Variants in AGL observed in about 807,000 individuals in gnomAD.
The protein encoded by AGL is glycogen debranching enzyme.
AGL carries 128 observed loss-of-function variants against 199.3 expected under a neutral mutation model. That is an observed-to-expected ratio of 0.64 (90% CI 0.56 to 0.74). The LOEUF is 0.74. AGL is among the 30% of genes least tolerant of loss of function. The pLI is 0.00. For synonymous variants in AGL, 584 were observed against 594.7 expected (o/e 0.98, Z 0.26); for missense variants, 1,809 against 1,820.8 (o/e 0.99, Z 0.12).
rs11368135 is a variant in AGL, at chr1:99,854,763, C to CA, written c.82+3654dup. On this transcript the variant is annotated intron_variant, in intron 2 of 33. Transcript: ENST00000361915. The stretch of plus-strand genomic sequence containing the variant: ...TGGGTGACAGAGCAAGATGCCGTCT[C>CA]AAAAAAAAAAAAAAAGATAATTTGA... Among the ~76,000 whole-genome samples the CA allele has an allele frequency of 3.4e-3, 282 of 83,988 alleles. 1 individual carries two copies. The Middle Eastern group carries it at 0.038, about 11-fold the overall frequency. 55.1% of individuals were successfully genotyped at this position (83,988 alleles called of 152,430 possible). A position where few individuals can be genotyped will look rare whatever the true frequency, so the allele number is the denominator to read the frequency against.
At chr1:99,872,534 CTT>C (rs11299217) in intron 7 of AGL, among the ~76,000 whole-genome samples, 67 of 141,288 alleles carry the variant, frequency 4.7e-4, no homozygotes, top group East Asian at 8.1e-4. Flanking sequence ...ATTTACATTT[CTT>C]TTTTTTTTTT....
rs1651444670 is a variant in AGL, at chr1:99,875,469, G to GC, written c.1283+14_1283+15insC. The GC allele has an allele frequency of 6.2e-7, 1 of 1,610,354 alleles. No individual in the cohort carries two copies. Among genetic ancestry groups the GC allele is most frequent in the Non-Finnish European group, 8.5e-7 (1 of 1,177,050 alleles). ...TTTAGTTACCAGGTGTTGCATTTTT[G>GC]TTTTTTTTCTTATTGATGGTTGAAA... On this transcript the variant is annotated intron_variant, in intron 10 of 33. Coordinates refer to ENST00000361915, the MANE Select transcript of AGL (RefSeq NM_000642.3).
chr1:99,899,307 A>G (rs1432613136), intron 25 of AGL, among the ~76,000 whole-genome samples: 1 of 152,224 alleles, frequency 6.6e-6, no homozygotes, highest in Non-Finnish European at 1.5e-5. Context: ...AAGGCCACAC[A>G]GATGGCAAAG....
intron 29 of AGL, 68 bp downstream of exon 29, chr1:99,912,585 A>C: frequency 8.8e-7 from 1 of 1,138,364 alleles, no homozygotes; most frequent in South Asian, 1.3e-5. Context: ...CTATGTAATC[A>C]TCATTTGATT....
intron 21 of AGL, among the ~76,000 whole-genome samples, chr1:99,889,179 A>C (rs1284943072): frequency 2.0e-5 from 3 of 152,234 alleles, no homozygotes; most frequent in Non-Finnish European, 4.4e-5. Flanking sequence ...CACCTAATTC[A>C]TACTAAGTAA....
chr1:99,900,599 G>C, intron 25 of AGL, 37 bp from the exon 26 acceptor site: 1 of 1,581,646 alleles, frequency 6.3e-7, no homozygotes, highest in Non-Finnish European at 8.7e-7. Context: ...TTAAGTGTTT[G>C]TTTTCATTTC....
chr1:99,888,425 A>G (rs1313820522), intron 21 of AGL, among the ~76,000 whole-genome samples: 3 of 152,158 alleles, frequency 2.0e-5, no homozygotes, highest in Non-Finnish European at 4.4e-5. Context: ...TACTAGTTCT[A>G]TCTCTTTCCT....
At chr1:99,872,642 C>G (rs977569391) in intron 7 of AGL, among the ~76,000 whole-genome samples, 10 of 151,936 alleles carry the variant, frequency 6.6e-5, no homozygotes. Flanking sequence ...GATTCTCCTG[C>G]CTCAGCCTCC....
intron 10 of AGL, 94 bp from the exon 11 acceptor site, chr1:99,876,364 C>T: frequency 1.0e-6 from 1 of 967,066 alleles, no homozygotes; most frequent in Middle Eastern, 3.1e-4. Context: ...TTATTCTATT[C>T]ATTAGAAAAG....
intron 2 of AGL, among the ~76,000 whole-genome samples, chr1:99,855,298 GT>G (rs966178536): frequency 2.0e-5 from 3 of 152,172 alleles, no homozygotes; most frequent in African/African-American, 7.2e-5. Context: ...AACTCTGGCA[GT>G]TTTTGGCTGT....
chr1:99,852,351 C>CTTTTTTTTTTT (rs11363065), intron 2 of AGL, among the ~76,000 whole-genome samples: 1 of 97,554 alleles, frequency 1.0e-5, no homozygotes, highest in Non-Finnish European at 1.9e-5. Flanking sequence ...GCATTCATTT[C>CTTTTTTTTTTT]TTTTTTTTTT....
chr1:99,910,375 T>C (rs984854653), intron 27 of AGL, among the ~76,000 whole-genome samples: 1 of 152,212 alleles, frequency 6.6e-6, no homozygotes, highest in Non-Finnish European at 1.5e-5. Flanking sequence ...ATTGTATGAA[T>C]AAACTACAGT....
At chr1:99,852,709 A>G in intron 2 of AGL, 1 of 780,692 alleles carries the variant, frequency 1.3e-6, no homozygotes, top group Non-Finnish European at 2.4e-6. Flanking sequence ...TATTGGTGAG[A>G]TGAAAGTGGT....
intron 27 of AGL, among the ~76,000 whole-genome samples, chr1:99,906,669 A>G (rs572573305): frequency 8.5e-5 from 13 of 152,294 alleles, no homozygotes; most frequent in African/African-American, 2.4e-4. Flanking sequence ...TCCACTTAGC[A>G]TAATGCCAAG....
chr1:99,868,825 C>CTT lies in AGL; in HGVS notation c.665-1559_665-1558dup, dbSNP rs374175804. ...AATGAGAGCAGCATTGGTATTTACT[C>CTT]TTTTTTTTTTTTTTTTTGAGACAGG... On this transcript the variant is annotated intron_variant, in intron 5 of 33. Transcript: ENST00000361915. Among the ~76,000 whole-genome samples, 771 of 135,486 alleles carry CTT rather than the reference C, an allele frequency of 5.7e-3. 4 individuals are homozygous for CTT. Among genetic ancestry groups the CTT allele is most frequent in the South Asian group, 8.2e-3 (35 of 4,256 alleles). 88.9% of individuals were successfully genotyped at this position (135,486 alleles called of 152,430 possible).
intron 14 of AGL, 54 bp downstream of exon 14, chr1:99,880,849 A>G: frequency 2.5e-6 from 4 of 1,576,422 alleles, no homozygotes; most frequent in Non-Finnish European, 3.5e-6. Context: ...TTGATATTTA[A>G]CTCTCTGACA....
In AGL at chr1:99,903,588, A is replaced by G. The variant is rs562736766; in HGVS notation, c.3700+794A>G. The stretch of plus-strand genomic sequence containing the variant: ...CTTTGCTATTGTGAATACTGCTGCA[A>G]TGAACATACGTGTGCATGTGTCTTT... On this transcript the variant is annotated intron_variant, in intron 27 of 33. Coordinates refer to ENST00000361915, the MANE Select transcript of AGL (RefSeq NM_000642.3). 3.0e-4 allele frequency among the ~76,000 whole-genome samples: 46 copies of G among 152,312 alleles called. 1 individual carries two copies. The highest frequency in any genetic ancestry group is 7.7e-4 in the African/African-American group (32 of 41,562).
Position 99,915,417 on chromosome 1 carries a change from C to T in AGL, c.4190C>T (p.Ala1397Val). 6.2e-7 allele frequency: 1 copy of T among 1,613,790 alleles called. No individual in the cohort carries two copies. The highest frequency in any genetic ancestry group is 8.5e-7 in the Non-Finnish European group (1 of 1,179,902). ...CCTGAGCTCTTTACTACAGAAAAAGCATGGAAAGCTTTGGAGATTGCAGAA... is the reference window on the plus strand; with the variant it reads ...CCTGAGCTCTTTACTACAGAAAAAGTATGGAAAGCTTTGGAGATTGCAGAA... ...VAPELFTTEK[A>V]WKALEIAEKK... Residue 1397 changes from alanine to valine, a missense_variant, in exon 31 of 34, where the codon GCA becomes GTA. Coordinates refer to ENST00000361915, the MANE Select transcript of AGL (RefSeq NM_000642.3).
intron 17 of AGL, among the ~76,000 whole-genome samples, chr1:99,883,209 A>G (rs564888041): frequency 6.6e-6 from 1 of 152,256 alleles, no homozygotes; most frequent in East Asian, 1.9e-4. Context: ...CTTAGTGTAT[A>G]TTTACAGAGG....
Sources: gnomAD v4.1 joint callset for allele counts (sites outside exome capture counted in the v4.1 genomes callset) on GRCh38, gnomAD v4.1.1 for gene constraint, MANE v1.5 for transcripts, NCBI Gene and HGNC (gene_info 2026-07-23, HGNC 2026-07-21) for gene names.